Variants in OLAH observed in about 807,000 individuals in gnomAD.
OLAH encodes the protein S-acyl fatty acid synthase thioesterase, medium chain.
In OLAH, 33 loss-of-function variants were observed where a neutral mutation model predicts 27.8. The observed-to-expected ratio is 1.19, with a 90% confidence interval of 0.90 to 1.59. The LOEUF is 1.59. Ranked by LOEUF, OLAH falls within the 40% of genes most tolerant of loss-of-function variation. The pLI, the probability that OLAH is intolerant of heterozygous loss-of-function variation, is 0.00. For missense variants in OLAH, 359 were observed against 310.8 expected (o/e 1.16, Z -1.17); for synonymous variants, 120 against 102.9 (o/e 1.17, Z -1.01).
At chr10:15,057,850 G>C (rs1488849901) in intron 3 of OLAH, among the ~76,000 whole-genome samples, 1 of 151,818 alleles carries the variant, frequency 6.6e-6, no homozygotes, top group African/African-American at 2.4e-5. Context: ...TCTATTTCTG[G>C]ATTCTCTTAC....
chr10:15,066,618 TTTATTTATTTATTTA>T (rs1407261782), intron 6 of OLAH, among the ~76,000 whole-genome samples: 620 of 25,300 alleles, frequency 0.025, 6 homozygotes, highest in African/African-American at 0.11. Flanking sequence ...TATTTATTTA[TTTATTTATTTATTTA>T]TTTATTTATT....
chr10:15,033,588 C>T (rs1843791984), intron 1 of OLAH, among the ~76,000 whole-genome samples: 1 of 152,034 alleles, frequency 6.6e-6, no homozygotes, highest in African/African-American at 2.4e-5. Flanking sequence ...TACCCAAGAC[C>T]GGGTAATTTA....
chr10:15,058,710 A>C (rs182017097), intron 3 of OLAH, among the ~76,000 whole-genome samples: 15 of 152,278 alleles, frequency 9.9e-5, no homozygotes, highest in Non-Finnish European at 1.3e-4. Flanking sequence ...TTCATCTGAC[A>C]TTATTTTTAT....
At position 15,073,377 on chromosome 10, in the gene OLAH, G is replaced by A. The variant is rs970884192; in HGVS notation, c.*148G>A. ...ACATAAATATATTTACGTATCTGGG[G>A]ACAAAGGTCAAGCCAGTAAAGAATA... On this transcript the variant is annotated 3_prime_UTR_variant, in exon 8 of 8. Coordinates refer to ENST00000378228, the MANE Select transcript of OLAH (RefSeq NM_001039702.3). 2 of 622,594 alleles carry A rather than the reference G, an allele frequency of 3.2e-6. No individual in the cohort carries two copies. The highest frequency in any genetic ancestry group is 5.4e-6 in the Non-Finnish European group (2 of 371,656). The allele number at this position is 622,594 out of a possible 1,614,324, so 38.6% of individuals were successfully genotyped here.
chr10:15,034,094 A>T (rs112521286), intron 1 of OLAH, among the ~76,000 whole-genome samples: 2,184 of 141,504 alleles, frequency 0.015, 48 homozygotes, highest in African/African-American at 0.051. Flanking sequence ...GAAAGGGCAG[A>T]CTCCACCATT....
intron 3 of OLAH, 90 bp from the exon 4 acceptor site, chr10:15,061,634 T>G: frequency 7.9e-7 from 1 of 1,262,812 alleles, no homozygotes. Context: ...CTTTGAAATT[T>G]TTTCCATCAG....
chr10:15,041,057 C>T (rs1843911330), upstream of OLAH, among the ~76,000 whole-genome samples: 1 of 152,176 alleles, frequency 6.6e-6, no homozygotes. Flanking sequence ...GGTGCTCAGT[C>T]CAAATGCCCT....
intron 6 of OLAH, among the ~76,000 whole-genome samples, chr10:15,068,825 C>T (rs1844522397): frequency 6.6e-6 from 1 of 152,198 alleles, no homozygotes; most frequent in Non-Finnish European, 1.5e-5. Flanking sequence ...TTGAGTTAGT[C>T]TAGACTGGGC....
intron 1 of OLAH, among the ~76,000 whole-genome samples, chr10:15,044,218 T>A (rs1843972355): frequency 1.3e-5 from 2 of 152,106 alleles, no homozygotes; most frequent in Admixed American, 1.3e-4. Flanking sequence ...TTTCTTTCCC[T>A]TGCCTTTTCT....
chr10:15,035,677 A>C (rs900946993), intron 1 of OLAH, among the ~76,000 whole-genome samples: 1 of 151,970 alleles, frequency 6.6e-6, no homozygotes, highest in African/African-American at 2.4e-5. Flanking sequence ...CTGTGCTCCA[A>C]GTTTTCTTCC....
chr10:15,041,338 G>A (rs1405997553), upstream of OLAH, among the ~76,000 whole-genome samples: 2 of 151,312 alleles, frequency 1.3e-5, no homozygotes, highest in East Asian at 1.9e-4. Context: ...GAGTGCAATG[G>A]TGCGATCTTG....
At chr10:15,046,549 A>G (rs1844021826) in intron 1 of OLAH, among the ~76,000 whole-genome samples, 1 of 150,568 alleles carries the variant, frequency 6.6e-6, no homozygotes, top group South Asian at 2.1e-4. Flanking sequence ...CTCACTGCAG[A>G]CTTCATCTCC....
rs77070683 is a variant in OLAH at position 15,035,774 on chromosome 10, G to T, written c.-164+3424G>T. ...CAGAGGTAGATCTGGCTCTTGGGGA[G>T]AAAGGGGAGCATGGGCAAATGGTGT... is the stretch of plus-strand genomic sequence containing the variant. On this transcript the variant is annotated intron_variant, in intron 1 of 3. Transcript: ENST00000413672. Among the ~76,000 whole-genome samples the T allele has an allele frequency of 2.7e-3, 416 of 152,280 alleles. 3 individuals carry two copies. Among genetic ancestry groups the T allele is most frequent in the African/African-American group, 9.3e-3 (387 of 41,558 alleles).
At chr10:15,048,595 ATAACT>A (rs1432711055) in intron 2 of OLAH, among the ~76,000 whole-genome samples, 3 of 152,248 alleles carry the variant, frequency 2.0e-5, no homozygotes, top group African/African-American at 7.2e-5. Context: ...AAACTTACAT[ATAACT>A]TGAAAAGTGG....
At chr10:15,048,396 T>C (rs1844064125) in intron 2 of OLAH, among the ~76,000 whole-genome samples, 1 of 152,194 alleles carries the variant, frequency 6.6e-6, no homozygotes, top group Admixed American at 6.5e-5. Context: ...TTTTGTATTA[T>C]TAGTAGAGAC....
intron 6 of OLAH, chr10:15,067,948 C>T (rs751959611): frequency 1.3e-5 from 2 of 152,226 alleles, no homozygotes; most frequent in Non-Finnish European, 2.9e-5. Context: ...ACTGTTCCTC[C>T]TCTGGGATCC....
intron 1 of OLAH, among the ~76,000 whole-genome samples, chr10:15,037,800 A>C (rs911779200): frequency 1.3e-5 from 2 of 152,216 alleles, no homozygotes; most frequent in Non-Finnish European, 2.9e-5. Flanking sequence ...GGGAGGCATT[A>C]AACTTTTACA....
Position 15,073,093 on chromosome 10 carries a change from A to G in OLAH, c.662A>G (p.Lys221Arg). Residue 221 changes from lysine (K) to arginine (R), a missense_variant, in exon 8 of 8, where the codon AAA becomes AGA. Coordinates refer to ENST00000378228, the MANE Select transcript of OLAH (RefSeq NM_001039702.3). The part of the protein sequence containing the change: ...EDIAKDMEAW[K>R]DVTSGNAKIY... ...CAATCTTGTTTATTTTCAGCCTGGA[A>G]AGATGTAACCAGTGGAAATGCTAAA... 1 of 1,612,362 alleles carries G rather than the reference A, an allele frequency of 6.2e-7. No individual in the cohort carries two copies. Among genetic ancestry groups the G allele is most frequent in the Non-Finnish European group, 8.5e-7 (1 of 1,179,510 alleles).
Position 15,073,165 on chromosome 10 carries a change from A to T in OLAH, c.734A>T (p.Asn245Ile). 1 of 1,611,348 alleles carries T rather than the reference A, an allele frequency of 6.2e-7. No homozygotes were observed. The highest frequency in any genetic ancestry group is 8.5e-7 in the Non-Finnish European group (1 of 1,177,542). The change falls in exon 8 of 8, where the codon AAC becomes ATC. Residue 245 changes from asparagine to isoleucine, a missense_variant. Transcript: ENST00000378228. ...GGHFYLLDPA[N>I]EKLIKNYIIK... ...CACTTTTATCTTCTGGATCCTGCGA[A>T]CGAGAAATTAATCAAGAACTACATA...
Sources: gnomAD v4.1 joint callset for allele counts (sites outside exome capture counted in the v4.1 genomes callset) on GRCh38, gnomAD v4.1.1 for gene constraint, MANE v1.5 for transcripts, NCBI Gene and HGNC (gene_info 2026-07-23, HGNC 2026-07-21) for gene names.